Variants in CADM2 observed in about 807,000 individuals in gnomAD.
The protein encoded by CADM2 is immunoglobulin superfamily member 4D.
Under a neutral mutation model 49.8 loss-of-function variants are expected in CADM2, and 12 were observed. That is an observed-to-expected ratio of 0.24 (90% CI 0.15 to 0.39). CADM2 has a LOEUF of 0.39. Ranked by LOEUF, CADM2 falls within the 10% of genes least tolerant of loss-of-function variation. The pLI, the probability that CADM2 is intolerant of heterozygous loss-of-function variation, is 1.00. For synonymous variants in CADM2, 214 were observed against 175.4 expected, an observed-to-expected ratio of 1.22 and a Z score of -1.74; for missense variants, 378 against 492.3, an observed-to-expected ratio of 0.77 and a Z score of 2.20.
chr3:86,003,370 A>C (rs147634034), intron 8 of CADM2, among the ~76,000 whole-genome samples: 1 of 152,226 alleles, frequency 6.6e-6, no homozygotes, highest in Non-Finnish European at 1.5e-5. Context: ...TTTTTCTCTA[A>C]TCCAATAACC....
At chr3:85,365,887 G>A (rs73845445) in intron 1 of CADM2, among the ~76,000 whole-genome samples, 1,960 of 152,154 alleles carry the variant, frequency 0.013, 37 homozygotes, top group African/African-American at 0.046. Context: ...TTTATATTAG[G>A]TTCACACCAC....
chr3:85,907,908 C>T (rs962696099), intron 5 of CADM2, among the ~76,000 whole-genome samples: 2 of 146,248 alleles, frequency 1.4e-5, no homozygotes, highest in Non-Finnish European at 3.0e-5. Flanking sequence ...GAGACTCTGT[C>T]TCAAAAAAAA....
chr3:85,074,506 CA>C (rs1273156450), intron 1 of CADM2, among the ~76,000 whole-genome samples: 2 of 152,188 alleles, frequency 1.3e-5, no homozygotes, highest in African/African-American at 4.8e-5. Flanking sequence ...GAAGTTGTGA[CA>C]ACTTTTTATC....
At chr3:85,670,141 G>A (rs1002502172) in intron 1 of CADM2, among the ~76,000 whole-genome samples, 3 of 152,008 alleles carry the variant, frequency 2.0e-5, no homozygotes, top group Admixed American at 6.6e-5. Context: ...TGGTCCCAGC[G>A]GAAAAGAAAT....
intron 1 of CADM2, among the ~76,000 whole-genome samples, chr3:85,358,394 A>AT (rs2032049934): frequency 4.0e-5 from 6 of 151,838 alleles, no homozygotes; most frequent in South Asian, 4.1e-4. Flanking sequence ...TTCCAAAAAA[A>AT]ATATATATAT....
chr3:85,037,178 AC>A (rs1232277799), intron 1 of CADM2, among the ~76,000 whole-genome samples: 5 of 151,642 alleles, frequency 3.3e-5, no homozygotes, highest in African/African-American at 1.2e-4. Flanking sequence ...TCTAAAAAAA[AC>A]AAACAAACAA....
intron 1 of CADM2, among the ~76,000 whole-genome samples, chr3:85,278,342 A>G (rs1267705710): frequency 6.6e-6 from 1 of 151,362 alleles, no homozygotes; most frequent in Non-Finnish European, 1.5e-5. Context: ...CGTTACATAT[A>G]ATGCTATTTT....
chr3:85,279,362 A>C (rs890973560), intron 1 of CADM2, among the ~76,000 whole-genome samples: 1 of 151,586 alleles, frequency 6.6e-6, no homozygotes, highest in African/African-American at 2.4e-5. Flanking sequence ...TAAAGAAAAC[A>C]TTTCTTGAAA....
At chr3:85,460,569 C>T (rs1250243685) in intron 1 of CADM2, among the ~76,000 whole-genome samples, 3 of 152,186 alleles carry the variant, frequency 2.0e-5, no homozygotes, top group East Asian at 1.9e-4. Flanking sequence ...TTGTGAGATG[C>T]CTTTAAAGTC....
At chr3:85,925,347 T>C (rs2108512651) in intron 6 of CADM2, among the ~76,000 whole-genome samples, 1 of 152,332 alleles carries the variant, frequency 6.6e-6, no homozygotes, top group African/African-American at 2.4e-5. Context: ...ATAAATATTT[T>C]TCAAATAAAT....
At chr3:85,197,862 G>A (rs2041383088) in intron 1 of CADM2, among the ~76,000 whole-genome samples, 1 of 151,884 alleles carries the variant, frequency 6.6e-6, no homozygotes, top group African/African-American at 2.4e-5. Context: ...ATGGTTTGTA[G>A]TGTCTGAAGG....
intron 1 of CADM2, among the ~76,000 whole-genome samples, chr3:85,583,259 A>G (rs1433939534): frequency 6.6e-6 from 1 of 152,000 alleles, no homozygotes; most frequent in Non-Finnish European, 1.5e-5. Flanking sequence ...GGCTTCATTC[A>G]CTCATTTAGT....
At chr3:85,940,747 C>A (rs1486077300) in intron 7 of CADM2, among the ~76,000 whole-genome samples, 1 of 152,040 alleles carries the variant, frequency 6.6e-6, no homozygotes, top group Non-Finnish European at 1.5e-5. Context: ...AAAGAGAATG[C>A]AGACCTGGGT....
At chr3:85,011,353 C>A (rs2033986676) in intron 1 of CADM2, among the ~76,000 whole-genome samples, 1 of 151,988 alleles carries the variant, frequency 6.6e-6, no homozygotes, top group Non-Finnish European at 1.5e-5. Flanking sequence ...GATAGGGTGT[C>A]CAGCTACAAT....
At chr3:85,330,660 C>CA (rs893295049) in intron 1 of CADM2, among the ~76,000 whole-genome samples, 28 of 151,536 alleles carry the variant, frequency 1.8e-4, no homozygotes, top group South Asian at 1.0e-3. Context: ...AAAAACACTT[C>CA]AAAAAAAATG....
intron 2 of CADM2, among the ~76,000 whole-genome samples, chr3:85,781,129 C>T (rs2107993130): frequency 6.6e-6 from 1 of 152,256 alleles, no homozygotes; most frequent in South Asian, 2.1e-4. Flanking sequence ...AAATTGCTAC[C>T]TATGAACTTT....
At chr3:85,341,902 C>T (rs1349471868) in intron 1 of CADM2, among the ~76,000 whole-genome samples, 1 of 151,922 alleles carries the variant, frequency 6.6e-6, no homozygotes, top group African/African-American at 2.4e-5. Flanking sequence ...ATTTTATCCC[C>T]TGGAAAACAA....
intron 1 of CADM2, among the ~76,000 whole-genome samples, chr3:85,385,495 T>C (rs563821610): frequency 6.6e-6 from 1 of 152,194 alleles, no homozygotes; most frequent in East Asian, 1.9e-4. Flanking sequence ...TTTTGGTAAA[T>C]AACTTATTCA....
chr3:85,922,576 G>C (rs1044578106), intron 6 of CADM2, among the ~76,000 whole-genome samples: 9 of 150,008 alleles, frequency 6.0e-5, no homozygotes, highest in African/African-American at 2.3e-4. Flanking sequence ...TGGCATGCAT[G>C]ATCCTGAAAT....
Sources: gnomAD v4.1 joint callset for allele counts (sites outside exome capture counted in the v4.1 genomes callset) on GRCh38, gnomAD v4.1.1 for gene constraint, MANE v1.5 for transcripts, NCBI Gene and HGNC (gene_info 2026-07-23, HGNC 2026-07-21) for gene names.